NR6A1: variants seen among roughly 807,000 people sequenced by gnomAD.
NR6A1 encodes nuclear receptor subfamily 6 group A member 1.
A neutral mutation model predicts 59.1 loss-of-function variants in NR6A1; 7 were observed. The observed-to-expected ratio is 0.12, with a 90% confidence interval of 0.07 to 0.22. The LOEUF (loss-of-function observed/expected upper bound fraction) is 0.22. Ranked by LOEUF, NR6A1 falls within the 10% of genes least tolerant of loss-of-function variation. The pLI is 1.00. For missense variants in NR6A1, 468 were observed against 611.6 expected (o/e 0.77, Z 2.48); for synonymous variants, 243 against 236.1 (o/e 1.03, Z -0.27).
At chr9:124,668,239 T>C (rs941412354) in intron 2 of NR6A1, among the ~76,000 whole-genome samples, 1 of 152,140 alleles carries the variant, frequency 6.6e-6, no homozygotes, top group Non-Finnish European at 1.5e-5. Context: ...AGGGGAAGTA[T>C]ATTGTCACAA....
intron 2 of NR6A1, among the ~76,000 whole-genome samples, chr9:124,603,758 A>G (rs1023793163): frequency 6.6e-6 from 1 of 152,204 alleles, no homozygotes; most frequent in Non-Finnish European, 1.5e-5. Flanking sequence ...AGAAAGCAGC[A>G]ACATAGGAAA....
intron 2 of NR6A1, among the ~76,000 whole-genome samples, chr9:124,723,971 C>T (rs770640613): frequency 1.3e-5 from 2 of 152,156 alleles, no homozygotes; most frequent in Admixed American, 6.5e-5. Context: ...AAAATTTATA[C>T]ACAAACGTGT....
chr9:124,579,801 A>T (rs1834708980), intron 2 of NR6A1, among the ~76,000 whole-genome samples: 1 of 152,094 alleles, frequency 6.6e-6, no homozygotes, highest in Admixed American at 6.6e-5. Context: ...ACTTGAGGTC[A>T]GGAGTTGGAG....
Position 124,554,515 on chromosome 9 carries a change from G to A in NR6A1, c.198C>T (p.Arg66=), listed in dbSNP as rs555298212. 2.6e-5 allele frequency: 42 copies of A among 1,614,128 alleles called. No homozygotes were observed. Among genetic ancestry groups the A allele is most frequent in the South Asian group, 1.1e-4 (10 of 91,078 alleles). Reference sequence around the variant, plus strand: ...TGATCCCATAGTGCAAGCCTGTAGCGCGGTCCCCACAAATGAGACAGGTTC... The same window carrying A: ...TGATCCCATAGTGCAAGCCTGTAGCACGGTCCCCACAAATGAGACAGGTTC... ...EQRTCLICGD[R]ATGLHYGIIS... The change falls in exon 3 of 10, where the codon CGC becomes CGT. Residue 66 remains arginine, a synonymous_variant. Transcript: ENST00000487099.
chr9:124,716,750 G>A (rs1481785998), intron 2 of NR6A1, among the ~76,000 whole-genome samples: 2 of 152,172 alleles, frequency 1.3e-5, no homozygotes, highest in East Asian at 3.8e-4. Context: ...TTGTGCCACA[G>A]CCTCCTGAGT....
At position 124,731,793 on chromosome 9, in the gene NR6A1, T is replaced by C. The variant is rs536970970; in HGVS notation, c.142+1515A>G. On this transcript the variant is annotated intron_variant, in intron 2 of 9. Transcript: ENST00000487099. ...AATATAGAATATAATACATATAACA[T>C]ACAAAATTATGTTAATCTACTGATT... is the stretch of plus-strand genomic sequence containing the variant. 3.5e-3 allele frequency among the ~76,000 whole-genome samples: 531 copies of C among 152,350 alleles called. 3 individuals carry two copies. Among genetic ancestry groups the C allele is most frequent in the Non-Finnish European group, 6.2e-3 (421 of 68,028 alleles).
At chr9:124,564,113 C>G (rs1379699727) in intron 2 of NR6A1, among the ~76,000 whole-genome samples, 1 of 152,072 alleles carries the variant, frequency 6.6e-6, no homozygotes, top group Non-Finnish European at 1.5e-5. Context: ...AAGAAAAATT[C>G]ATCTTAAATA....
chr9:124,720,216 T>A lies in NR6A1; in HGVS notation c.142+13092A>T, dbSNP rs191589123. ...ACAAGCATGCGCCACCACGTCCAGGTAATTTTGTATTTTTAGTGGAGATGG... is the reference window on the plus strand; with the variant it reads ...ACAAGCATGCGCCACCACGTCCAGGAAATTTTGTATTTTTAGTGGAGATGG... On this transcript the variant is annotated intron_variant, in intron 2 of 9. Transcript: ENST00000487099. 4.6e-3 allele frequency among the ~76,000 whole-genome samples: 706 copies of A among 152,000 alleles called. 4 individuals carry two copies. The highest frequency in any genetic ancestry group is 0.016 in the African/African-American group (671 of 41,472).
At chr9:124,550,861 T>C (rs1833760041) in intron 3 of NR6A1, among the ~76,000 whole-genome samples, 1 of 152,190 alleles carries the variant, frequency 6.6e-6, no homozygotes, top group African/African-American at 2.4e-5. Context: ...TAATCAGAAT[T>C]CACTTAAAGG....
intron 1 of NR6A1, among the ~76,000 whole-genome samples, chr9:124,766,146 G>A (rs551295993): frequency 6.6e-5 from 10 of 152,218 alleles, no homozygotes; most frequent in Middle Eastern, 3.4e-3. Flanking sequence ...ACCCAAGAAA[G>A]AATTACCTGC....
intron 2 of NR6A1, among the ~76,000 whole-genome samples, chr9:124,638,415 G>A (rs574601751): frequency 7.9e-5 from 12 of 152,004 alleles, no homozygotes; most frequent in Non-Finnish European, 1.6e-4. Flanking sequence ...TTTTACTGAC[G>A]GTTTTCTCTC....
intron 2 of NR6A1, among the ~76,000 whole-genome samples, chr9:124,622,853 C>T (rs1836118396): frequency 7.4e-6 from 1 of 134,486 alleles, no homozygotes; most frequent in Non-Finnish European, 1.7e-5. Context: ...ACAAGCAGGG[C>T]ACAATGTCTG....
intron 1 of NR6A1, among the ~76,000 whole-genome samples, chr9:124,755,531 A>C (rs1272634820): frequency 1.3e-5 from 2 of 152,216 alleles, no homozygotes; most frequent in Non-Finnish European, 2.9e-5. Context: ...GGGATTTATC[A>C]CATTTATGAT....
intron 2 of NR6A1, among the ~76,000 whole-genome samples, chr9:124,580,531 A>T (rs1834733601): frequency 6.6e-6 from 1 of 152,210 alleles, no homozygotes; most frequent in Non-Finnish European, 1.5e-5. Context: ...AAAAAAGAAC[A>T]AAGCTGGGCC....
chr9:124,752,555 G>A lies in NR6A1; in HGVS notation c.100+18465C>T, dbSNP rs1444007371. Among the ~76,000 whole-genome samples, 5 of 152,168 alleles carry A rather than the reference G, an allele frequency of 3.3e-5. No individual in the cohort carries two copies. In the East Asian group the frequency reaches 7.7e-4, roughly 23 times the overall value. On this transcript the variant is annotated intron_variant, in intron 1 of 9. Transcript: ENST00000487099. Reference sequence around the variant, plus strand: ...AGAAATTGTCCTTTAATGCACTTGAGATAACATCTGTTTCAAAAACTGCTG... The same window carrying A: ...AGAAATTGTCCTTTAATGCACTTGAAATAACATCTGTTTCAAAAACTGCTG...
At position 124,605,570 on chromosome 9, in the gene NR6A1, C is replaced by T. The variant is rs575525140; in HGVS notation, c.143-51000G>A. Among the ~76,000 whole-genome samples the T allele has an allele frequency of 7.2e-5, 11 of 152,108 alleles. 1 individual carries two copies. Among genetic ancestry groups the T allele is most frequent in the East Asian group, 3.9e-4 (2 of 5,184 alleles). On this transcript the variant is annotated intron_variant, in intron 2 of 9. Transcript: ENST00000487099. ...GCACTCCAGCCTGGGCAACAGAGCA[C>T]GACTCTGCCTCAAAAAACAAAAACA...
chr9:124,540,344 C>T (rs1467631709), intron 4 of NR6A1, among the ~76,000 whole-genome samples, 157 bp from the exon 5 acceptor site: 2 of 152,198 alleles, frequency 1.3e-5, no homozygotes, highest in Admixed American at 6.5e-5. Context: ...CTTAGGACGG[C>T]GTGGCTTCCT....
chr9:124,739,883 T>G (rs960990234), intron 1 of NR6A1, among the ~76,000 whole-genome samples: 1 of 152,244 alleles, frequency 6.6e-6, no homozygotes, highest in Non-Finnish European at 1.5e-5. Flanking sequence ...GACAATATAG[T>G]GCAACAGAGA....
At chr9:124,527,255 T>C (rs1832963142) in intron 7 of NR6A1, among the ~76,000 whole-genome samples, 1 of 152,154 alleles carries the variant, frequency 6.6e-6, no homozygotes, top group Non-Finnish European at 1.5e-5. Flanking sequence ...GTCTGGGATA[T>C]AAATGTGGAG....
Sources: allele counts gnomAD v4.1 joint callset (sites outside exome capture counted in the v4.1 genomes callset), GRCh38; gene constraint gnomAD v4.1.1; transcripts MANE v1.5; gene names NCBI Gene and HGNC (gene_info 2026-07-23, HGNC 2026-07-21).